The following LRRTM4 variants were observed in gnomAD, a reference collection of about 807,000 sequenced individuals.
LRRTM4 encodes leucine-rich repeat transmembrane neuronal protein 4.
Under a neutral mutation model 47.6 loss-of-function variants are expected in LRRTM4, and 25 were observed. That is an observed-to-expected ratio of 0.53 (90% CI 0.38 to 0.73). The LOEUF is 0.73. LRRTM4 is among the 30% of genes least tolerant of loss of function. The pLI is 0.00. For synonymous variants in LRRTM4, 311 were observed against 269.5 expected, an observed-to-expected ratio of 1.15 and a Z score of -1.51; for missense variants, 638 against 713.4, an observed-to-expected ratio of 0.89 and a Z score of 1.20.
chr2:76,879,680 G>A (rs547333575), intron 3 of LRRTM4, among the ~76,000 whole-genome samples: 8 of 152,174 alleles, frequency 5.3e-5, no homozygotes, highest in Non-Finnish European at 1.0e-4. Flanking sequence ...TACTGCTTAA[G>A]AAATATATTT....
chr2:76,970,576 CATA>C lies in LRRTM4; in HGVS notation c.1552-221663_1552-221661del, dbSNP rs1444765501. Among the ~76,000 whole-genome samples, 3 of 151,972 alleles carry C rather than the reference CATA, an allele frequency of 2.0e-5. No individual in the cohort carries two copies. The South Asian group carries it at 6.2e-4, about 31-fold the overall frequency. On this transcript the variant is annotated intron_variant, in intron 3 of 3. Coordinates refer to ENST00000409884, the MANE Select transcript of LRRTM4 (RefSeq NM_001134745.3). ...ATTGTAGAATAACTGTTGCTTTTAC[CATA>C]ATAACCCCTGAGAAATAATTGGCTT...
intron 3 of LRRTM4, among the ~76,000 whole-genome samples, chr2:76,768,538 A>G (rs1421806468): frequency 6.6e-6 from 1 of 152,040 alleles, no homozygotes; most frequent in African/African-American, 2.4e-5. Context: ...TGGGGAAAAC[A>G]TTTTTTTCCC....
chr2:76,912,992 T>C (rs1674122809), intron 3 of LRRTM4, among the ~76,000 whole-genome samples: 2 of 152,202 alleles, frequency 1.3e-5, no homozygotes. Context: ...AGGATTTCTT[T>C]ATAGTAGGGT....
Position 76,765,404 on chromosome 2 carries a change from CAG to C in LRRTM4, c.1552-16490_1552-16489del. 1.3e-5 allele frequency among the ~76,000 whole-genome samples: 2 copies of C among 152,110 alleles called. 1 individual carries two copies. Among genetic ancestry groups the C allele is most frequent in the Admixed American group, 1.3e-4 (2 of 15,278 alleles). Reference sequence around the variant, plus strand: ...GAAATAAATTTATTTTGCATGCAAACAGAACGTAAAGTTTTGGGGAAGAGGAG... The same window carrying C: ...GAAATAAATTTATTTTGCATGCAAACAACGTAAAGTTTTGGGGAAGAGGAG... On this transcript the variant is annotated intron_variant, in intron 3 of 3. Coordinates refer to ENST00000409884, the MANE Select transcript of LRRTM4 (RefSeq NM_001134745.3).
At chr2:77,063,599 A>G (rs1679862986) in intron 3 of LRRTM4, among the ~76,000 whole-genome samples, 1 of 152,070 alleles carries the variant, frequency 6.6e-6, no homozygotes. Flanking sequence ...TCTTTAAAAT[A>G]TGTTATTGCA....
At chr2:76,886,075 G>A (rs183043565) in intron 3 of LRRTM4, among the ~76,000 whole-genome samples, 1 of 152,100 alleles carries the variant, frequency 6.6e-6, no homozygotes, top group African/African-American at 2.4e-5. Context: ...TAAGCTGAAA[G>A]ATATTTGCGA....
intron 3 of LRRTM4, among the ~76,000 whole-genome samples, chr2:76,792,579 A>G (rs1675034552): frequency 6.6e-6 from 1 of 152,094 alleles, no homozygotes; most frequent in Non-Finnish European, 1.5e-5. Flanking sequence ...TCTTCTAGTA[A>G]CAATCAGAGA....
chr2:77,397,650 T>G (rs1392656136), intron 3 of LRRTM4, among the ~76,000 whole-genome samples: 1 of 151,878 alleles, frequency 6.6e-6, no homozygotes, highest in Non-Finnish European at 1.5e-5. Context: ...TGTCTCTAGA[T>G]TACTGATAGC....
intron 3 of LRRTM4, among the ~76,000 whole-genome samples, chr2:77,010,045 C>G (rs1677809569): frequency 6.6e-6 from 1 of 151,168 alleles, no homozygotes; most frequent in Non-Finnish European, 1.5e-5. Context: ...TTATAGTATA[C>G]AGCATGATAT....
At chr2:77,114,606 C>T (rs1221451932) in intron 3 of LRRTM4, among the ~76,000 whole-genome samples, 1 of 152,026 alleles carries the variant, frequency 6.6e-6, no homozygotes, top group Non-Finnish European at 1.5e-5. Flanking sequence ...GGGAACCAGC[C>T]CCCAATATTT....
intron 3 of LRRTM4, among the ~76,000 whole-genome samples, chr2:77,312,237 G>A (rs912136241): frequency 3.3e-5 from 5 of 151,612 alleles, no homozygotes; most frequent in African/African-American, 1.2e-4. Flanking sequence ...GTATTAATTG[G>A]GTGTCACTTA....
intron 3 of LRRTM4, among the ~76,000 whole-genome samples, chr2:77,328,888 G>A (rs1670872854): frequency 6.6e-6 from 1 of 152,174 alleles, no homozygotes; most frequent in Non-Finnish European, 1.5e-5. Context: ...TTTGGAGCAG[G>A]GATCTCTGAG....
At chr2:77,071,312 T>C (rs186963200) in intron 3 of LRRTM4, among the ~76,000 whole-genome samples, 52 of 152,310 alleles carry the variant, frequency 3.4e-4, no homozygotes, top group African/African-American at 1.2e-3. Flanking sequence ...TATATTCTTT[T>C]TGATATATGC....
At chr2:77,484,336 C>G (rs565261462) in intron 3 of LRRTM4, among the ~76,000 whole-genome samples, 9 of 152,102 alleles carry the variant, frequency 5.9e-5, no homozygotes, top group African/African-American at 1.9e-4. Context: ...TTTCCTGTCT[C>G]TCTAGCAGCC....
intron 3 of LRRTM4, among the ~76,000 whole-genome samples, chr2:77,477,453 T>C (rs1677447793): frequency 6.6e-6 from 1 of 152,162 alleles, no homozygotes; most frequent in Non-Finnish European, 1.5e-5. Context: ...ATAAATTATG[T>C]TCCATTTATC....
intron 3 of LRRTM4, among the ~76,000 whole-genome samples, chr2:76,772,357 G>T (rs992978690): frequency 3.9e-5 from 6 of 152,114 alleles, no homozygotes; most frequent in African/African-American, 1.4e-4. Flanking sequence ...GGTACTTTTT[G>T]TTATAGCAGC....
chr2:77,227,082 G>C (rs1352268898), intron 3 of LRRTM4, among the ~76,000 whole-genome samples: 5 of 151,916 alleles, frequency 3.3e-5, no homozygotes, highest in Admixed American at 1.3e-4. Context: ...ACTGCCACCT[G>C]GTTTTCTAGT....
intron 3 of LRRTM4, among the ~76,000 whole-genome samples, chr2:77,428,449 T>C (rs796218253): frequency 6.6e-6 from 1 of 152,230 alleles, no homozygotes; most frequent in South Asian, 2.1e-4. Flanking sequence ...ATTATTTCAC[T>C]TTGGCCTGGC....
intron 3 of LRRTM4, among the ~76,000 whole-genome samples, chr2:77,487,611 T>C (rs4624407): frequency 0.93 from 141,531 of 152,208 alleles, 65,845 homozygotes; most frequent in African/African-American, 0.95. Context: ...GGCAGACAGG[T>C]TCCTGGACAG....
Sources: gnomAD v4.1 joint callset for allele counts (sites outside exome capture counted in the v4.1 genomes callset) on GRCh38, gnomAD v4.1.1 for gene constraint, MANE v1.5 for transcripts, NCBI Gene and HGNC (gene_info 2026-07-23, HGNC 2026-07-21) for gene names.